The following CCSER2 variants were observed in gnomAD, a reference collection of about 807,000 sequenced individuals.
The protein encoded by CCSER2 is coiled-coil serine rich protein 2.
A neutral mutation model predicts 92.3 loss-of-function variants in CCSER2; 46 were observed. The observed-to-expected ratio is 0.50, with a 90% CI of 0.39 to 0.64. The LOEUF is 0.64. Ranked by LOEUF, CCSER2 falls within the 30% of genes least tolerant of loss-of-function variation. CCSER2 has a pLI of 0.00. For synonymous variants in CCSER2, 433 were observed against 431.4 expected, an observed-to-expected ratio of 1.00 and a Z score of -0.04; for missense variants, 1,244 against 1,238.9, an observed-to-expected ratio of 1.00 and a Z score of -0.06.
At chr10:84,396,373 A>G (rs948282817) in intron 3 of CCSER2, among the ~76,000 whole-genome samples, 1 of 151,504 alleles carries the variant, frequency 6.6e-6, no homozygotes, top group Non-Finnish European at 1.5e-5. Flanking sequence ...CTAACTTACA[A>G]TATTTGTTTA....
intron 6 of CCSER2, among the ~76,000 whole-genome samples, chr10:84,449,220 C>A (rs1390402659): frequency 6.6e-6 from 1 of 151,948 alleles, no homozygotes; most frequent in African/African-American, 2.4e-5. Context: ...ACTAAAAATA[C>A]AAAAATTAGC....
At chr10:84,383,751 T>C (rs1841043501) in intron 3 of CCSER2, among the ~76,000 whole-genome samples, 1 of 152,228 alleles carries the variant, frequency 6.6e-6, no homozygotes, top group Non-Finnish European at 1.5e-5. Flanking sequence ...GGTGAGATCA[T>C]ATTGTTGTTG....
rs560112643 is a variant in CCSER2, at chr10:84,514,379, A to G, written c.*112A>G. The G allele has an allele frequency of 1.3e-6, 1 of 745,554 alleles. No homozygotes were observed. Among genetic ancestry groups the G allele is most frequent in the Admixed American group, 3.0e-5 (1 of 32,924 alleles). The allele number at this position is 745,554 out of a possible 1,614,324, so 46.2% of individuals were successfully genotyped here. On this transcript the variant is annotated 3_prime_UTR_variant, in exon 10 of 10. Coordinates refer to ENST00000372088, the MANE Select transcript of CCSER2 (RefSeq NM_001284240.2). ...GTGGAGGTTCCATTGAAAGCCTGCA[A>G]ATCTTAAATTAAAATGTGGAAGCTT... is the stretch of plus-strand genomic sequence containing the variant.
Position 84,371,041 on chromosome 10 carries a change from A to G in CCSER2, c.-12A>G. ...TCTTTCAACTTTTAAGAACAAATGC[A>G]CCTTATAGCTCATGGAAGAAAAAAC... is the stretch of plus-strand genomic sequence containing the variant. On this transcript the variant is annotated 5_prime_UTR_variant, in exon 2 of 10. Transcript: ENST00000372088. 1 of 1,523,364 alleles carries G rather than the reference A, an allele frequency of 6.6e-7. No homozygotes were observed. Among genetic ancestry groups the G allele is most frequent in the Non-Finnish European group, 8.8e-7 (1 of 1,134,950 alleles). The allele number at this position is 1,523,364 out of a possible 1,614,324, so 94.4% of individuals were successfully genotyped here.
intron 9 of CCSER2, among the ~76,000 whole-genome samples, chr10:84,500,590 C>A (rs1275515312): frequency 6.6e-6 from 1 of 152,122 alleles, no homozygotes; most frequent in Non-Finnish European, 1.5e-5. Flanking sequence ...ACTGTTTGAC[C>A]TTAAAATTTT....
chr10:84,391,624 G>A (rs1183265591), intron 3 of CCSER2: 7 of 1,532,200 alleles, frequency 4.6e-6, no homozygotes, highest in Non-Finnish European at 6.3e-6. Context: ...TTCCTATGGT[G>A]TTGCACTAGC....
intron 6 of CCSER2, among the ~76,000 whole-genome samples, chr10:84,444,212 A>G (rs1185676427): frequency 6.6e-6 from 1 of 152,218 alleles, no homozygotes; most frequent in Admixed American, 6.5e-5. Context: ...CAGGTTGTCA[A>G]GGACCTTGTG....
chr10:84,505,456 C>G (rs1370858869), intron 9 of CCSER2, among the ~76,000 whole-genome samples: 1 of 152,072 alleles, frequency 6.6e-6, no homozygotes, highest in Non-Finnish European at 1.5e-5. Flanking sequence ...TAACAAGGCT[C>G]AATCTGATTG....
rs186115341 is a variant in CCSER2, at chr10:84,387,614, C to T, written c.1614+13799C>T. Among the ~76,000 whole-genome samples, 7 of 152,130 alleles carry T rather than the reference C, an allele frequency of 4.6e-5. No individual in the cohort carries two copies. The East Asian group carries it at 5.8e-4, about 13-fold the overall frequency. On this transcript the variant is annotated intron_variant, in intron 3 of 9. Coordinates refer to ENST00000372088, the MANE Select transcript of CCSER2 (RefSeq NM_001284240.2). Reference sequence around the variant, plus strand: ...TGCAATCTCAGCTCACTGTAAGCTCCGCCTCCTGGGTTCACGCCATTCTCC... The same window carrying T: ...TGCAATCTCAGCTCACTGTAAGCTCTGCCTCCTGGGTTCACGCCATTCTCC...
intron 6 of CCSER2, among the ~76,000 whole-genome samples, chr10:84,461,806 T>A (rs191809880): frequency 5.8e-4 from 88 of 152,286 alleles, no homozygotes; most frequent in African/African-American, 2.0e-3. Flanking sequence ...TGATTGTCTT[T>A]TCCTTTGTGA....
chr10:84,468,060 G>A (rs115270194), intron 7 of CCSER2, among the ~76,000 whole-genome samples: 1 of 152,174 alleles, frequency 6.6e-6, no homozygotes, highest in Non-Finnish European at 1.5e-5. Flanking sequence ...GGCTCTCTGT[G>A]ATCTGGCCCT....
chr10:84,457,252 T>A (rs1221881215), intron 6 of CCSER2, among the ~76,000 whole-genome samples: 4 of 43,460 alleles, frequency 9.2e-5, no homozygotes, highest in South Asian at 8.5e-4. Flanking sequence ...TATTATATAT[T>A]ATATAAAATA....
intron 3 of CCSER2, among the ~76,000 whole-genome samples, chr10:84,393,021 C>T (rs907876339): frequency 1.1e-4 from 16 of 152,190 alleles, no homozygotes; most frequent in African/African-American, 3.9e-4. Flanking sequence ...ATTCATTTAC[C>T]TATGTTGCAG....
intron 3 of CCSER2, among the ~76,000 whole-genome samples, chr10:84,376,236 G>A (rs527239101): frequency 1.9e-4 from 29 of 152,226 alleles, no homozygotes; most frequent in African/African-American, 7.0e-4. Flanking sequence ...CCAGTATTAT[G>A]CAGAGGTCTG....
chr10:84,438,837 A>G (rs1199369521), intron 6 of CCSER2, 130 bp downstream of exon 6: 10 of 596,576 alleles, frequency 1.7e-5, no homozygotes, highest in African/African-American at 1.3e-4. Flanking sequence ...AATGCTTGTA[A>G]ATAGTATATA....
chr10:84,401,756 C>T (rs182612736), intron 3 of CCSER2, among the ~76,000 whole-genome samples: 1 of 152,304 alleles, frequency 6.6e-6, no homozygotes, highest in East Asian at 1.9e-4. Context: ...AGTCCAATAT[C>T]CCTCATTAAC....
chr10:84,401,393 GATA>G (rs2042391451), intron 3 of CCSER2, among the ~76,000 whole-genome samples: 1 of 152,116 alleles, frequency 6.6e-6, no homozygotes, highest in African/African-American at 2.4e-5. Context: ...ACATTAAAAA[GATA>G]ATGAGAGAAA....
At chr10:84,416,824 G>A (rs544819427) in intron 3 of CCSER2, among the ~76,000 whole-genome samples, 6 of 152,226 alleles carry the variant, frequency 3.9e-5, no homozygotes, top group Non-Finnish European at 5.9e-5. Flanking sequence ...CCAGCTACTC[G>A]GGAGGCTGAG....
intron 7 of CCSER2, among the ~76,000 whole-genome samples, chr10:84,464,424 T>C (rs1846274252): frequency 1.4e-5 from 1 of 72,074 alleles, no homozygotes. Context: ...TGTATTTTTG[T>C]GAGTGAAAGT....
Sources: gnomAD v4.1 joint callset for allele counts (sites outside exome capture counted in the v4.1 genomes callset) on GRCh38, gnomAD v4.1.1 for gene constraint, MANE v1.5 for transcripts, NCBI Gene and HGNC (gene_info 2026-07-23, HGNC 2026-07-21) for gene names.